LEKR1: variants seen among roughly 807,000 people sequenced by gnomAD.
LEKR1 encodes the protein leucine, glutamate and lysine rich 1.
In LEKR1, 59 loss-of-function variants were observed where a neutral mutation model predicts 72.4. The observed-to-expected ratio is 0.82, with a 90% CI of 0.66 to 1.01. The LOEUF (loss-of-function observed/expected upper bound fraction) is 1.01. Ranked by LOEUF, LEKR1 falls within the 50% of genes least tolerant of loss-of-function variation. The probability of loss-of-function intolerance (pLI) is 0.00; values close to 1 mark genes in which losing one functional copy is unlikely to be tolerated. For synonymous variants in LEKR1, 257 were observed against 263.2 expected (o/e 0.98, Z 0.23); for missense variants, 728 against 759.2 (o/e 0.96, Z 0.48).
intron 3 of LEKR1, among the ~76,000 whole-genome samples, chr3:156,859,476 C>A (rs1716499530): frequency 6.6e-6 from 1 of 152,082 alleles, no homozygotes; most frequent in Admixed American, 6.6e-5. Flanking sequence ...AAGTTCACAG[C>A]AAAATTGAGT....
intron 3 of LEKR1, among the ~76,000 whole-genome samples, chr3:156,874,477 A>G (rs1718330805): frequency 6.6e-6 from 1 of 152,160 alleles, no homozygotes. Flanking sequence ...AAATAAAGCT[A>G]TAATTTTTAA....
intron 4 of LEKR1, among the ~76,000 whole-genome samples, chr3:156,922,265 T>C (rs1189410592): frequency 6.6e-6 from 1 of 152,166 alleles, no homozygotes; most frequent in Non-Finnish European, 1.5e-5. Flanking sequence ...TCAGTGACTT[T>C]TGTTGCATTA....
At position 156,862,163 on chromosome 3, in the gene LEKR1, A is replaced by G. The variant is rs148459211; in HGVS notation, c.263+9181A>G. On this transcript the variant is annotated intron_variant, in intron 3 of 12. Transcript: ENST00000356539. ...TCGTGTATAATTATGATGTTGCTGT[A>G]GCAACATGGTTACCAAAATAAGGTA... 1.1e-4 allele frequency among the ~76,000 whole-genome samples: 17 copies of G among 152,206 alleles called. No homozygotes were observed. The East Asian group carries it at 2.5e-3, about 22-fold the overall frequency.
intron 3 of LEKR1, among the ~76,000 whole-genome samples, chr3:156,907,802 G>C (rs943554026): frequency 6.6e-6 from 1 of 152,028 alleles, no homozygotes; most frequent in African/African-American, 2.4e-5. Context: ...CTAATCTACA[G>C]AATTTATTTT....
At chr3:156,914,694 T>C (rs1346460689) in intron 3 of LEKR1, among the ~76,000 whole-genome samples, 1 of 152,188 alleles carries the variant, frequency 6.6e-6, no homozygotes, top group South Asian at 2.1e-4. Flanking sequence ...CTTGCTTCTC[T>C]TTTATCTATG....
chr3:157,003,834 C>G (rs918155608), intron 9 of LEKR1, among the ~76,000 whole-genome samples: 2 of 151,648 alleles, frequency 1.3e-5, no homozygotes, highest in African/African-American at 4.8e-5. Context: ...TAAAACTAAA[C>G]AAAGAGTTAT....
intron 10 of LEKR1, among the ~76,000 whole-genome samples, chr3:157,019,647 T>C (rs1005281959): frequency 1.3e-5 from 2 of 152,232 alleles, no homozygotes; most frequent in African/African-American, 4.8e-5. Flanking sequence ...ATGCTTTATA[T>C]GTACACCATC....
At chr3:156,891,352 G>A (rs895356461) in intron 3 of LEKR1, among the ~76,000 whole-genome samples, 21 of 152,154 alleles carry the variant, frequency 1.4e-4, no homozygotes, top group Admixed American at 1.3e-3. Context: ...CATTCCATAG[G>A]TAATAAATTA....
At chr3:156,996,713 G>A (rs182288235) in intron 9 of LEKR1, among the ~76,000 whole-genome samples, 16 of 152,284 alleles carry the variant, frequency 1.1e-4, no homozygotes, top group Admixed American at 3.9e-4. Context: ...AAGTGTCTAT[G>A]TCAAGTGGGT....
intron 3 of LEKR1, among the ~76,000 whole-genome samples, chr3:156,858,221 T>A (rs1310823082): frequency 2.0e-5 from 3 of 152,112 alleles, no homozygotes; most frequent in Non-Finnish European, 4.4e-5. Context: ...CCTTGAGTAG[T>A]TTATTTGCGT....
intron 7 of LEKR1, among the ~76,000 whole-genome samples, chr3:156,989,060 G>T (rs191451211): frequency 2.8e-4 from 42 of 152,144 alleles, no homozygotes; most frequent in Middle Eastern, 3.4e-3. Flanking sequence ...CTTGAACTCT[G>T]ACTTCATGAT....
intron 3 of LEKR1, among the ~76,000 whole-genome samples, chr3:156,890,768 A>T (rs1328949243): frequency 6.6e-6 from 1 of 152,128 alleles, no homozygotes; most frequent in African/African-American, 2.4e-5. Flanking sequence ...ACCCCAAAGT[A>T]ATGCTTAAGC....
intron 3 of LEKR1, among the ~76,000 whole-genome samples, chr3:156,896,592 T>A (rs373572132): frequency 6.6e-6 from 1 of 152,186 alleles, no homozygotes; most frequent in Non-Finnish European, 1.5e-5. Context: ...GGAATGCTTA[T>A]ACACTGCTGT....
At chr3:156,834,046 A>T (rs1271748219) in intron 2 of LEKR1, among the ~76,000 whole-genome samples, 2 of 152,078 alleles carry the variant, frequency 1.3e-5, no homozygotes, top group African/African-American at 4.8e-5. Flanking sequence ...CCAATTTTTT[A>T]ATAAAACCTT....
At chr3:156,935,974 T>A (rs893951651) in intron 5 of LEKR1, among the ~76,000 whole-genome samples, 3 of 152,362 alleles carry the variant, frequency 2.0e-5, no homozygotes, top group African/African-American at 7.2e-5. Flanking sequence ...GTAAATGTTA[T>A]AATTTATTTG....
intron 6 of LEKR1, among the ~76,000 whole-genome samples, chr3:156,959,260 G>A (rs529035285): frequency 4.3e-4 from 65 of 152,112 alleles, no homozygotes; most frequent in African/African-American, 1.5e-3. Context: ...TCTTTCTTTT[G>A]TCCTGTTTTT....
At chr3:156,851,479 G>A (rs1260759961) in intron 2 of LEKR1, among the ~76,000 whole-genome samples, 1 of 152,158 alleles carries the variant, frequency 6.6e-6, no homozygotes, top group Non-Finnish European at 1.5e-5. Flanking sequence ...TTAAGTTGAA[G>A]TAGATTAATG....
intron 3 of LEKR1, among the ~76,000 whole-genome samples, chr3:156,903,495 A>C (rs1318131423): frequency 6.6e-6 from 1 of 152,154 alleles, no homozygotes; most frequent in Admixed American, 6.6e-5. Flanking sequence ...GCCATACACT[A>C]TTAGTTACGA....
intron 6 of LEKR1, among the ~76,000 whole-genome samples, chr3:156,971,490 G>T (rs76482114): frequency 0.61 from 92,881 of 151,862 alleles, 29,544 homozygotes; most frequent in Admixed American, 0.74. Flanking sequence ...ATTGACAAAT[G>T]GGATCTAATT....
Sources: allele counts gnomAD v4.1 joint callset (sites outside exome capture counted in the v4.1 genomes callset), GRCh38; gene constraint gnomAD v4.1.1; transcripts MANE v1.5; gene names NCBI Gene and HGNC (gene_info 2026-07-23, HGNC 2026-07-21).